Variants in PUDP observed in about 807,000 individuals in gnomAD.
The protein encoded by PUDP is pseudouridine-5'-phosphatase.
A neutral mutation model predicts 9.4 loss-of-function variants in PUDP; 8 were observed. The observed-to-expected ratio is 0.85, with a 90% CI of 0.50 to 1.53. The LOEUF (loss-of-function observed/expected upper bound fraction) is 1.53. Among genes scored for constraint, PUDP ranks in the 40% most tolerant of loss-of-function variants. PUDP has a pLI of 0.00. For synonymous variants in PUDP, 99 were observed against 80.7 expected, an observed-to-expected ratio of 1.23 and a Z score of -1.22; for missense variants, 188 against 189.7, an observed-to-expected ratio of 0.99 and a Z score of 0.05.
intron 3 of PUDP, among the ~76,000 whole-genome samples, chrX:6,802,887 CAAAAA>C (rs1925958530): frequency 2.1e-5 from 1 of 47,349 alleles, no homozygotes; most frequent in Admixed American, 2.5e-4. Context: ...CTTTTTGTCT[CAAAAA>C]TAACATAACA....
chrX:6,914,839 G>A (rs1927904969), intron 3 of PUDP, among the ~76,000 whole-genome samples: 1 of 112,408 alleles, frequency 8.9e-6, no homozygotes, highest in Admixed American at 9.4e-5. Flanking sequence ...GTGCTCTCAC[G>A]TCGATATAAA....
downstream of PUDP, among the ~76,000 whole-genome samples, chrX:7,046,120 T>C (rs139874096): frequency 1.2e-3 from 137 of 112,384 alleles, no homozygotes; most frequent in African/African-American, 4.3e-3. Flanking sequence ...TTTTTGTTTG[T>C]ATTATGAACT....
intron 3 of PUDP, among the ~76,000 whole-genome samples, chrX:6,862,796 A>C (rs1237104909): frequency 9.0e-6 from 1 of 111,364 alleles, no homozygotes; most frequent in Non-Finnish European, 1.9e-5. Flanking sequence ...CAACATTGCC[A>C]ATGTTGGCTG....
intron 3 of PUDP, among the ~76,000 whole-genome samples, chrX:6,851,506 G>A (rs1041175141): frequency 1.8e-5 from 2 of 111,387 alleles, no homozygotes; most frequent in Admixed American, 1.9e-4. Context: ...GGGAGAGAGA[G>A]AGAGAGAAGG....
At chrX:6,735,184 C>G (rs757530306) in intron 3 of PUDP, among the ~76,000 whole-genome samples, 19 of 111,756 alleles carry the variant, frequency 1.7e-4, no homozygotes, top group Non-Finnish European at 3.2e-4. Flanking sequence ...CTCAGAGGCC[C>G]AGTTTTACTC....
chrX:6,881,036 G>C (rs1040608626), intron 3 of PUDP, among the ~76,000 whole-genome samples: 1 of 112,196 alleles, frequency 8.9e-6, no homozygotes, highest in Non-Finnish European at 1.9e-5. Flanking sequence ...TTGGATCTGA[G>C]TCTGCCAGGG....
At chrX:6,974,830 C>T (rs1482374607) in intron 3 of PUDP, among the ~76,000 whole-genome samples, 3 of 111,310 alleles carry the variant, frequency 2.7e-5, no homozygotes, top group African/African-American at 3.3e-5. Flanking sequence ...CCATTTTCCC[C>T]GTCATTTTCA....
intron 3 of PUDP, among the ~76,000 whole-genome samples, chrX:7,054,834 C>T (rs1930196539): frequency 8.9e-6 from 1 of 111,917 alleles, no homozygotes; most frequent in African/African-American, 3.3e-5. Context: ...GAAAACGGAA[C>T]CTGAAGTTTC....
chrX:6,778,171 T>C (rs1925498015), intron 3 of PUDP, among the ~76,000 whole-genome samples: 1 of 111,842 alleles, frequency 8.9e-6, no homozygotes. Flanking sequence ...AGGAAGCTTC[T>C]ATGCCTTTTT....
At chrX:7,060,286 G>A (rs1212527950) in intron 3 of PUDP, among the ~76,000 whole-genome samples, 9 of 112,255 alleles carry the variant, frequency 8.0e-5, no homozygotes, top group South Asian at 3.7e-4. Flanking sequence ...CAAAGTCAGT[G>A]TTTCCCAAAC....
chrX:6,799,330 G>A (rs1425751143), intron 3 of PUDP, among the ~76,000 whole-genome samples: 2 of 111,643 alleles, frequency 1.8e-5, no homozygotes, highest in Non-Finnish European at 3.8e-5. Context: ...AAAAACTTAA[G>A]TATTTTAGAA....
intron 2 of PUDP, among the ~76,000 whole-genome samples, chrX:7,092,231 G>A (rs753435435): frequency 2.7e-5 from 3 of 112,961 alleles, no homozygotes; most frequent in African/African-American, 9.6e-5. Flanking sequence ...GATTGGGAAA[G>A]AGTTTCAGTT....
chrX:6,863,855 C>T (rs1927040104), intron 3 of PUDP, among the ~76,000 whole-genome samples: 1 of 111,998 alleles, frequency 8.9e-6, no homozygotes, highest in South Asian at 3.7e-4. Context: ...TTAAGGACTT[C>T]AGCAAGGGTA....
At chrX:7,105,583 C>T (rs1475936991) in intron 2 of PUDP, 37 bp downstream of exon 2, 2 of 1,045,776 alleles carry the variant, frequency 1.9e-6, no homozygotes, top group Admixed American at 5.3e-5. Context: ...TGCTAATAGT[C>T]ACAAACATAA....
At chrX:6,803,360 A>G (rs904508962) in intron 3 of PUDP, among the ~76,000 whole-genome samples, 7 of 111,402 alleles carry the variant, frequency 6.3e-5, no homozygotes, top group Non-Finnish European at 1.1e-4. Context: ...TTTACATCCA[A>G]TTGCAGTGGA....
At chrX:6,814,592 C>A (rs1157549811) in intron 3 of PUDP, among the ~76,000 whole-genome samples, 1 of 111,422 alleles carries the variant, frequency 9.0e-6, no homozygotes, top group Non-Finnish European at 1.9e-5. Flanking sequence ...AGTTTGATGG[C>A]CTGTGGGAAA....
At chrX:7,016,221 T>C (rs989744381) in intron 1 of PUDP, among the ~76,000 whole-genome samples, 5 of 110,689 alleles carry the variant, frequency 4.5e-5, no homozygotes, top group African/African-American at 9.9e-5. Flanking sequence ...CAGTCCTAGC[T>C]ACTTGAGAGG....
chrX:6,709,847 G>T (rs146318660), intron 1 of PUDP, among the ~76,000 whole-genome samples: 7,315 of 111,965 alleles, frequency 0.065, 232 homozygotes, highest in African/African-American at 0.11. Context: ...TTTGGGCCAG[G>T]TGTGGTGGCT....
chrX:6,933,177 TCCCTGACCCCTGAC>T (rs765301261), intron 3 of PUDP, among the ~76,000 whole-genome samples: 4 of 103,665 alleles, frequency 3.9e-5, no homozygotes, highest in East Asian at 3.2e-4. Flanking sequence ...CTCAAGTGGG[TCCCTGACCCCTGAC>T]CCCTGACCCC....
Sources: gnomAD v4.1 joint callset for allele counts (sites outside exome capture counted in the v4.1 genomes callset) on GRCh38, gnomAD v4.1.1 for gene constraint, MANE v1.5 for transcripts, NCBI Gene and HGNC (gene_info 2026-07-23, HGNC 2026-07-21) for gene names.